Variants in POLR2B observed in about 807,000 individuals in gnomAD.
POLR2B encodes RNA polymerase II subunit B.
In POLR2B, 57 loss-of-function variants were observed where a neutral mutation model predicts 144.6. The ratio of observed to expected loss-of-function variants is 0.39; its 90% CI spans 0.32 to 0.49. POLR2B has a LOEUF of 0.49. POLR2B is among the 20% of genes least tolerant of loss of function. The pLI is 0.83. For missense variants in POLR2B, 595 were observed against 1,467.4 expected, an observed-to-expected ratio of 0.41 and a Z score of 9.71; for synonymous variants, 442 against 469.8, an observed-to-expected ratio of 0.94 and a Z score of 0.77.
At chr4:56,983,728 G>T (rs763348071) in intron 1 of POLR2B, among the ~76,000 whole-genome samples, 1 of 151,912 alleles carries the variant, frequency 6.6e-6, no homozygotes, top group African/African-American at 2.4e-5. Context: ...GGCTGGTCTC[G>T]AACTCCTGGG....
Position 57,023,459 on chromosome 4 carries a change from G to C in POLR2B, c.2645G>C (p.Ser882Thr). 2 of 1,614,026 alleles carry C rather than the reference G, an allele frequency of 1.2e-6. No homozygotes were observed. The highest frequency in any genetic ancestry group is 1.7e-6 in the Non-Finnish European group (2 of 1,179,952). The change falls in exon 19 of 25, where the codon AGC becomes ACC. Residue 882 changes from serine (S) to threonine (T), a missense_variant. Around this residue, in one of 9 missense-constraint regions of POLR2B, gnomAD observed 75 missense variants for 100.0 expected, o/e 0.75. Coordinates refer to ENST00000314595, the MANE Select transcript of POLR2B (RefSeq NM_000938.3). The surrounding 1 kb of genome is among the most constrained non-coding windows in gnomAD (Gnocchi z 4.3). ...CCTGAAAATGAAGATGAATTGGAGA[G>C]CACCAATAGACGCTATACCAAGAGA... is the stretch of plus-strand genomic sequence containing the variant. Reference protein sequence around the residue: ...TLPENEDELESTNRRYTKRDC... With the variant: ...TLPENEDELETTNRRYTKRDC...
intron 1 of POLR2B, among the ~76,000 whole-genome samples, chr4:56,980,593 A>G (rs1722128028): frequency 2.6e-5 from 4 of 151,962 alleles, no homozygotes; most frequent in Admixed American, 2.6e-4. Flanking sequence ...GGTCTTGCTC[A>G]CCTATAGTCC....
At chr4:56,986,804 AAAG>A (rs1486886775) in intron 2 of POLR2B, 3 of 158,466 alleles carry the variant, frequency 1.9e-5, no homozygotes, top group African/African-American at 4.8e-5. Context: ...CAAAAAAAAA[AAAG>A]AATAACTGCA....
intron 14 of POLR2B, among the ~76,000 whole-genome samples, chr4:57,015,931 G>A (rs1043495422): frequency 3.5e-4 from 53 of 152,120 alleles, no homozygotes; most frequent in African/African-American, 1.3e-3. Flanking sequence ...GCTAATTTTT[G>A]TATTTTTGGT....
chr4:57,017,797 G>A lies in POLR2B; in HGVS notation c.2323+69G>A. The stretch of plus-strand genomic sequence containing the variant: ...TTAAGGCACTTTTCTGGGTGCTTGG[G>A]AGGATTAAAAAATAAATATGACATA... On this transcript the variant is annotated intron_variant, in intron 16 of 24. Coordinates refer to ENST00000314595, the MANE Select transcript of POLR2B (RefSeq NM_000938.3). The surrounding 1 kb of genome is among the most constrained non-coding windows in gnomAD (Gnocchi z 4.8). 8.9e-7 allele frequency: 1 copy of A among 1,122,380 alleles called. No individual in the cohort carries two copies. Among genetic ancestry groups the A allele is most frequent in the South Asian group, 1.5e-5 (1 of 65,686 alleles). 69.5% of individuals were successfully genotyped at this position (1,122,380 alleles called of 1,614,324 possible).
intron 21 of POLR2B, 63 bp downstream of exon 21, chr4:57,024,175 T>C (rs145478570): frequency 4.8e-6 from 4 of 838,006 alleles, no homozygotes; most frequent in Admixed American, 4.6e-5. Context: ...CTCTGATAGG[T>C]GATTGCTCTC....
chr4:57,027,498 G>C (rs1723761665), intron 23 of POLR2B, among the ~76,000 whole-genome samples: 1 of 152,062 alleles, frequency 6.6e-6, no homozygotes, highest in African/African-American at 2.4e-5. Flanking sequence ...AGTAGAGACA[G>C]GGTTTTGCCA....
chr4:56,980,881 T>C (rs963659505), intron 1 of POLR2B, among the ~76,000 whole-genome samples: 1 of 151,502 alleles, frequency 6.6e-6, no homozygotes, highest in African/African-American at 2.4e-5. Flanking sequence ...CTCGGCTCAC[T>C]GTAACCTCCA....
Position 57,025,505 on chromosome 4 carries a change from C to T in POLR2B, c.3207C>T (p.Ile1069=), listed in dbSNP as rs1318547085. The T allele has an allele frequency of 1.2e-6, 2 of 1,607,906 alleles. No individual in the cohort carries two copies. The highest frequency in any genetic ancestry group is 1.7e-6 in the Non-Finnish European group (2 of 1,174,634). The part of the protein sequence containing the change: ...IHSRARGPIQ[I]LNRQPMEGRS... ...CTCGTGCTAGGGGACCTATTCAGAT[C>T]CTCAATAGACAGCCCATGGAGGGTA... Residue 1069 remains isoleucine (I), a synonymous_variant, in exon 23 of 25, where the codon ATC becomes ATT. Transcript: ENST00000314595.
rs1003923030 is a variant in POLR2B, at chr4:57,012,890, G to A, written c.1800+1790G>A. 2.0e-5 allele frequency among the ~76,000 whole-genome samples: 3 copies of A among 151,966 alleles called. No individual in the cohort carries two copies. The East Asian group carries it at 5.8e-4, about 29-fold the overall frequency. ...GAGTCTCACTCTCTTGCTCAGGCTG[G>A]AGTGCAGTGGCATGATCTCGGCTCA... is the stretch of plus-strand genomic sequence containing the variant. On this transcript the variant is annotated intron_variant, in intron 13 of 24. Coordinates refer to ENST00000314595, the MANE Select transcript of POLR2B (RefSeq NM_000938.3).
At chr4:57,022,796 T>C (rs1055750617) in intron 18 of POLR2B, among the ~76,000 whole-genome samples, 6 of 152,204 alleles carry the variant, frequency 3.9e-5, no homozygotes, top group Admixed American at 3.9e-4. Context: ...CTGAATAGCA[T>C]TGCATGAAGT....
chr4:57,015,398 G>T (rs1723332675), intron 13 of POLR2B, 104 bp from the exon 14 acceptor site: 2 of 522,708 alleles, frequency 3.8e-6, no homozygotes, highest in Non-Finnish European at 6.3e-6. Context: ...TTGATAAATT[G>T]GTTGCTCCAG....
rs1578576237 is a variant in POLR2B, at chr4:57,007,129, C to T, written c.1404+127C>T. The T allele has an allele frequency of 1.3e-5, 9 of 696,084 alleles. No homozygotes were observed. In the East Asian group the frequency reaches 2.6e-4, roughly 20 times the overall value. 43.1% of individuals were successfully genotyped at this position (696,084 alleles called of 1,614,324 possible). On this transcript the variant is annotated intron_variant, in intron 10 of 24. Transcript: ENST00000314595. ...TGGTCAAAGGTAAAACTACTGGGTG[C>T]CGGGTGTGGTGGCTCACACCTGTAA... is the stretch of plus-strand genomic sequence containing the variant.
intron 1 of POLR2B, among the ~76,000 whole-genome samples, chr4:56,984,542 C>G (rs977711674): frequency 6.6e-6 from 1 of 152,074 alleles, no homozygotes; most frequent in African/African-American, 2.4e-5. Context: ...TCATCATTAC[C>G]TCTCCTTTTT....
At chr4:57,015,411 A>G in intron 13 of POLR2B, 91 bp from the exon 14 acceptor site, 1 of 642,856 alleles carries the variant, frequency 1.6e-6, no homozygotes, top group Non-Finnish European at 2.4e-6. Flanking sequence ...TGCTCCAGAA[A>G]TTTAGTAGGA....
intron 1 of POLR2B, among the ~76,000 whole-genome samples, chr4:56,981,588 A>G (rs1345672185): frequency 6.6e-6 from 1 of 152,260 alleles, no homozygotes; most frequent in East Asian, 1.9e-4. Flanking sequence ...CAGTGAACCT[A>G]CATTTTATTG....
intron 2 of POLR2B, 100 bp from the exon 3 acceptor site, chr4:56,990,648 C>A: frequency 3.9e-6 from 4 of 1,019,676 alleles, no homozygotes; most frequent in South Asian, 1.6e-5. Flanking sequence ...TATTTTATGA[C>A]TGTTTCTTGA....
chr4:57,022,111 A>G (rs1225055217), intron 17 of POLR2B, 41 bp from the exon 18 acceptor site: 2 of 1,232,160 alleles, frequency 1.6e-6, no homozygotes, highest in East Asian at 4.7e-5. Context: ...CCCTTTTGTT[A>G]AAAGAAAATA....
chr4:56,985,036 C>T (rs998132190), intron 1 of POLR2B, among the ~76,000 whole-genome samples: 2 of 152,036 alleles, frequency 1.3e-5, no homozygotes, highest in Non-Finnish European at 2.9e-5. Context: ...TTTGGGAAGA[C>T]ATTAAGGCCA....
Sources: allele counts gnomAD v4.1 joint callset (sites outside exome capture counted in the v4.1 genomes callset), GRCh38; gene constraint gnomAD v4.1.1; regional missense constraint gnomAD v4.1.1; non-coding constraint Gnocchi (gnomAD v3.1); transcripts MANE v1.5; gene names NCBI Gene and HGNC (gene_info 2026-07-23, HGNC 2026-07-21).